ABCB10: variants seen among roughly 807,000 people sequenced by gnomAD.
ABCB10 encodes ATP binding cassette subfamily B member 10.
ABCB10 carries 54 observed loss-of-function variants against 65.4 expected under a neutral mutation model. That is an observed-to-expected ratio of 0.83 (90% CI 0.66 to 1.04). The LOEUF (loss-of-function observed/expected upper bound fraction) is 1.04. ABCB10 is among the 50% of genes least tolerant of loss of function. The pLI, the probability that ABCB10 is intolerant of heterozygous loss-of-function variation, is 0.00. For missense variants in ABCB10, 846 were observed against 976.6 expected (o/e 0.87, Z 1.78); for synonymous variants, 418 against 406.5 (o/e 1.03, Z -0.34).
At chr1:229,544,517 A>G (rs1218190229) in intron 3 of ABCB10, among the ~76,000 whole-genome samples, 1 of 152,108 alleles carries the variant, frequency 6.6e-6, no homozygotes, top group African/African-American at 2.4e-5. Flanking sequence ...GCCATACACA[A>G]TATCAGGTTC....
At chr1:229,546,166 C>T (rs1662961929) in intron 3 of ABCB10, among the ~76,000 whole-genome samples, 1 of 145,020 alleles carries the variant, frequency 6.9e-6, no homozygotes. Context: ...TGCGATACTC[C>T]GTCTCAAAAA....
At chr1:229,543,329 AAGTAACAGAG>A (rs1662896150) in intron 3 of ABCB10, among the ~76,000 whole-genome samples, 1 of 152,210 alleles carries the variant, frequency 6.6e-6, no homozygotes, top group Non-Finnish European at 1.5e-5. Flanking sequence ...TTCTGGAAGT[AAGTAACAGAG>A]GGTTTTCCTG....
intron 7 of ABCB10, 72 bp downstream of exon 7, chr1:229,531,564 A>C: frequency 6.9e-7 from 1 of 1,439,434 alleles, no homozygotes; most frequent in South Asian, 1.2e-5. Context: ...CCTTGCAGAC[A>C]GGGGAAGAGC....
In ABCB10 at chr1:229,558,226, C is replaced by T. The variant is rs1362082337; in HGVS notation, c.427G>A (p.Asp143Asn). 1.5e-6 allele frequency: 2 copies of T among 1,367,572 alleles called. No homozygotes were observed. Among genetic ancestry groups the T allele is most frequent in the Non-Finnish European group, 9.4e-7 (1 of 1,062,874 alleles). The allele number at this position is 1,367,572 out of a possible 1,614,324, so 84.7% of individuals were successfully genotyped here. ...GCTGCGGGGCGCAGCCGCCCCTTGT[C>T]CCCGGGAGGCGCCGCCGGCCCGCGC... ...WRRGPAAPPG[D>N]KGRLRPAAAG... Residue 143 changes from aspartate (D) to asparagine (N), a missense_variant, in exon 1 of 13, where the codon GAC becomes AAC. Transcript: ENST00000344517.
rs1662202349 is a variant in ABCB10, at chr1:229,517,472, A to G, written c.*707T>C. 1 of 152,250 alleles carries G rather than the reference A, an allele frequency of 6.6e-6. No individual in the cohort carries two copies. The highest frequency in any genetic ancestry group is 6.5e-5 in the Admixed American group (1 of 15,288). The allele number at this position is 152,250 out of a possible 1,614,324, so 9.4% of individuals were successfully genotyped here. A position where few individuals can be genotyped will look rare whatever the true frequency, so the allele number is the denominator to read the frequency against. On this transcript the variant is annotated 3_prime_UTR_variant, in exon 13 of 13. Transcript: ENST00000344517. ...GTACTCATACAAACATGTGAATTTA[A>G]AAAACATGTTTTCCTGTTCAAAAAA... is the stretch of plus-strand genomic sequence containing the variant.
intron 1 of ABCB10, among the ~76,000 whole-genome samples, chr1:229,552,793 T>A (rs1275098178): frequency 6.6e-6 from 1 of 152,172 alleles, no homozygotes; most frequent in Admixed American, 6.5e-5. Context: ...CATCTTATCC[T>A]CGTTTTTCAG....
chr1:229,532,348 C>T (rs1190634012), intron 6 of ABCB10, among the ~76,000 whole-genome samples: 4 of 151,986 alleles, frequency 2.6e-5, no homozygotes, highest in South Asian at 4.2e-4. Context: ...ATCATAATGC[C>T]GCAGAGGAAA....
intron 2 of ABCB10, 52 bp from the exon 3 acceptor site, chr1:229,547,753 A>G (rs780980000): frequency 6.4e-7 from 1 of 1,568,632 alleles, no homozygotes; most frequent in Admixed American, 1.7e-5. Flanking sequence ...ATCCATTACC[A>G]TTATGGGGCA....
intron 2 of ABCB10, 47 bp from the exon 3 acceptor site, chr1:229,547,748 T>G: frequency 3.1e-6 from 5 of 1,595,408 alleles, no homozygotes; most frequent in Non-Finnish European, 4.3e-6. Context: ...AAGACATCCA[T>G]TACCATTATG....
At chr1:229,522,034 T>G (rs1056739760) in intron 10 of ABCB10, among the ~76,000 whole-genome samples, 1 of 151,628 alleles carries the variant, frequency 6.6e-6, no homozygotes, top group Non-Finnish European at 1.5e-5. Context: ...ACCTGGCTAA[T>G]TTTTGGTAAA....
chr1:229,533,009 G>A (rs1662621558), intron 6 of ABCB10, among the ~76,000 whole-genome samples: 1 of 152,112 alleles, frequency 6.6e-6, no homozygotes, highest in African/African-American at 2.4e-5. Context: ...GTCTCACTAT[G>A]TTCCCTAGAC....
At chr1:229,538,928 T>C (rs757322344) in intron 6 of ABCB10, among the ~76,000 whole-genome samples, 17 of 152,158 alleles carry the variant, frequency 1.1e-4, no homozygotes, top group Non-Finnish European at 2.4e-4. Context: ...GAATGAAAAA[T>C]AAAAGCTGAA....
Position 229,558,151 on chromosome 1 carries a change from G to T in ABCB10, c.502C>A (p.Arg168Ser). Residue 168 changes from arginine (R) to serine (S), a missense_variant, in exon 1 of 13, where the codon CGC becomes AGC. By Grantham distance (110) the Arg-to-Ser change is moderately radical. This residue lies in a region of ABCB10 where 632 missense variants were observed against 803.2 expected (regional missense o/e 0.79). Transcript: ENST00000344517. ...RKLLGLAYPE[R>S]RRLAAAVGFL... ...AGGACCCTACCTGCCAGCCTCCGGC[G>T]CTCAGGGTACGCCAGCCCCAGGAGC... 7.0e-7 allele frequency: 1 copy of T among 1,420,384 alleles called. No individual in the cohort carries two copies. The highest frequency in any genetic ancestry group is 1.4e-5 in the South Asian group (1 of 71,284). 88.0% of individuals were successfully genotyped at this position (1,420,384 alleles called of 1,614,324 possible).
At chr1:229,550,797 G>A (rs895290585) in intron 1 of ABCB10, among the ~76,000 whole-genome samples, 3 of 151,744 alleles carry the variant, frequency 2.0e-5, no homozygotes, top group Admixed American at 6.6e-5. Context: ...CCAGGAGGTG[G>A]AGGTTGCAGT....
chr1:229,540,268 T>TA (rs1662812921), intron 5 of ABCB10, among the ~76,000 whole-genome samples: 1 of 152,226 alleles, frequency 6.6e-6, no homozygotes, highest in Non-Finnish European at 1.5e-5. Context: ...GAAGGCCTGT[T>TA]AAACAGATTG....
At position 229,542,230 on chromosome 1, in the gene ABCB10, C is replaced by A. The variant is rs1489947834; in HGVS notation, c.1056+7G>T. 1 of 1,613,596 alleles carries A rather than the reference C, an allele frequency of 6.2e-7. No individual in the cohort carries two copies. Among genetic ancestry groups the A allele is most frequent in the Non-Finnish European group, 8.5e-7 (1 of 1,179,816 alleles). On this transcript the variant is annotated splice_region_variant and intron_variant, in intron 4 of 12. Transcript: ENST00000344517. ...TGGAAACCACGCGGACAGGAAGGGG[C>A]CTTTACCTGAGTGGCTTGTGCCAGG...
intron 1 of ABCB10, 140 bp downstream of exon 1, chr1:229,557,996 C>A: frequency 1.1e-6 from 1 of 933,336 alleles, no homozygotes; most frequent in Non-Finnish European, 1.4e-6. Context: ...TCCCCTCCCT[C>A]CTCCGGGGTT....
intron 2 of ABCB10, among the ~76,000 whole-genome samples, chr1:229,548,221 C>G (rs1206275076): frequency 1.3e-5 from 2 of 152,046 alleles, no homozygotes; most frequent in Admixed American, 1.3e-4. Flanking sequence ...TCAGGCTGGT[C>G]TCAAACTCAT....
intron 3 of ABCB10, among the ~76,000 whole-genome samples, chr1:229,546,631 G>A (rs1044909381): frequency 6.6e-6 from 1 of 152,056 alleles, no homozygotes; most frequent in African/African-American, 2.4e-5. Flanking sequence ...AGCACTTCAG[G>A]AGGCCGAGGC....
Sources: allele counts gnomAD v4.1 joint callset (sites outside exome capture counted in the v4.1 genomes callset), GRCh38; gene constraint gnomAD v4.1.1; regional missense constraint gnomAD v4.1.1; transcripts MANE v1.5; gene names NCBI Gene and HGNC (gene_info 2026-07-23, HGNC 2026-07-21).